Variants in MACROD2 observed in about 807,000 individuals in gnomAD.
MACROD2 encodes the protein mono-ADP ribosylhydrolase 2, also known as ADP-ribose glycohydrolase MACROD2.
MACROD2 carries 36 observed loss-of-function variants against 70.4 expected under a neutral mutation model. The ratio of observed to expected loss-of-function variants is 0.51; its 90% CI spans 0.39 to 0.68. The LOEUF (loss-of-function observed/expected upper bound fraction) is 0.68. Among genes scored for constraint, MACROD2 ranks in the 30% least tolerant of loss-of-function variants. The pLI is 0.00. For missense variants in MACROD2, 496 were observed against 538.4 expected, an observed-to-expected ratio of 0.92 and a Z score of 0.78; for synonymous variants, 172 against 178.8, an observed-to-expected ratio of 0.96 and a Z score of 0.30.
intron 8 of MACROD2, among the ~76,000 whole-genome samples, chr20:15,659,196 T>G (rs1323343170): frequency 6.6e-6 from 1 of 152,130 alleles, no homozygotes. Flanking sequence ...GGTCTTGGTT[T>G]GTAGGTATAT....
At chr20:15,748,147 C>T (rs2051212454) in intron 8 of MACROD2, among the ~76,000 whole-genome samples, 1 of 152,132 alleles carries the variant, frequency 6.6e-6, no homozygotes, top group African/African-American at 2.4e-5. Context: ...TATATGACTG[C>T]TTCTTGGCCA....
At chr20:16,023,138 G>C (rs976444913) in intron 15 of MACROD2, among the ~76,000 whole-genome samples, 4 of 152,090 alleles carry the variant, frequency 2.6e-5, no homozygotes, top group Non-Finnish European at 5.9e-5. Flanking sequence ...TTTAATATAA[G>C]ACAACAAAGA....
At chr20:14,064,664 C>A (rs1168411362) in intron 2 of MACROD2, among the ~76,000 whole-genome samples, 1 of 152,184 alleles carries the variant, frequency 6.6e-6, no homozygotes, top group East Asian at 1.9e-4. Context: ...ATTTTAAGAG[C>A]TTCCTCAGAG....
chr20:14,372,105 A>G (rs2083330561), intron 3 of MACROD2, among the ~76,000 whole-genome samples: 2 of 152,124 alleles, frequency 1.3e-5, no homozygotes, highest in Non-Finnish European at 2.9e-5. Flanking sequence ...ATAATTCTTG[A>G]GCCCTGCATA....
At chr20:15,084,939 A>G (rs917166394) in intron 5 of MACROD2, among the ~76,000 whole-genome samples, 1 of 152,200 alleles carries the variant, frequency 6.6e-6, no homozygotes, top group African/African-American at 2.4e-5. Context: ...ATGGAAACTC[A>G]GGGGACCTAG....
chr20:15,987,206 G>A, intron 15 of MACROD2, 48 bp downstream of exon 15: 1 of 1,414,964 alleles, frequency 7.1e-7, no homozygotes, highest in Non-Finnish European at 9.8e-7. Flanking sequence ...AGTTTCTTTG[G>A]ATTCCTGCCT....
chr20:16,044,683 A>T lies in MACROD2; in HGVS notation c.1300+44A>T, dbSNP rs763801631. The stretch of plus-strand genomic sequence containing the variant: ...TGAGATTTTCAATGATCAACCAGCC[A>T]TAAGAACTATTTGCAAATGACATAC... On this transcript the variant is annotated intron_variant, in intron 17 of 17. Transcript: ENST00000684519. The T allele has an allele frequency of 3.2e-6, 5 of 1,551,352 alleles. No homozygotes were observed. In the East Asian group the frequency reaches 9.0e-5, roughly 28 times the overall value.
chr20:15,330,991 C>T (rs188219082), intron 6 of MACROD2, among the ~76,000 whole-genome samples: 46 of 150,618 alleles, frequency 3.1e-4, no homozygotes, highest in African/African-American at 1.0e-3. Context: ...TCTTTGAAAA[C>T]GGAGGCAAAA....
At chr20:14,679,201 G>T (rs1214336322) in intron 4 of MACROD2, among the ~76,000 whole-genome samples, 1 of 152,202 alleles carries the variant, frequency 6.6e-6, no homozygotes, top group East Asian at 1.9e-4. Context: ...ACCAGAATAT[G>T]ATGGGAACAT....
intron 3 of MACROD2, among the ~76,000 whole-genome samples, chr20:14,207,248 C>A (rs1441125222): frequency 1.3e-5 from 2 of 152,082 alleles, no homozygotes; most frequent in South Asian, 2.1e-4. Flanking sequence ...CAGGCACATG[C>A]CCCTACGCCC....
chr20:14,729,110 T>C (rs1221964106), intron 5 of MACROD2, among the ~76,000 whole-genome samples: 2 of 152,158 alleles, frequency 1.3e-5, no homozygotes, highest in East Asian at 3.8e-4. Flanking sequence ...AGCCTTCATA[T>C]ACAATTTAAA....
intron 4 of MACROD2, among the ~76,000 whole-genome samples, chr20:14,604,150 C>T (rs535638047): frequency 6.6e-6 from 1 of 152,312 alleles, no homozygotes; most frequent in African/African-American, 2.4e-5. Flanking sequence ...TATACCAGAA[C>T]AGCAGGAAGT....
intron 6 of MACROD2, among the ~76,000 whole-genome samples, chr20:15,424,212 A>G (rs2046267822): frequency 6.6e-6 from 1 of 152,180 alleles, no homozygotes. Context: ...GCAAAATTAT[A>G]TGGTAAAGGG....
intron 5 of MACROD2, among the ~76,000 whole-genome samples, chr20:15,087,809 T>C (rs1284080726): frequency 2.0e-5 from 3 of 152,012 alleles, no homozygotes; most frequent in Admixed American, 1.3e-4. Context: ...GTCTGTAATA[T>C]AGAAAAAGTT....
At chr20:14,157,588 A>ACTTTACTC (rs930575248) in intron 3 of MACROD2, among the ~76,000 whole-genome samples, 35 of 152,062 alleles carry the variant, frequency 2.3e-4, no homozygotes, top group Admixed American at 1.2e-3. Flanking sequence ...GTATCTTATC[A>ACTTTACTC]CTTTACTCTC....
chr20:14,950,397 A>G (rs1238934719), intron 5 of MACROD2, among the ~76,000 whole-genome samples: 1 of 152,112 alleles, frequency 6.6e-6, no homozygotes, highest in Non-Finnish European at 1.5e-5. Flanking sequence ...GGAATGACCA[A>G]ATTAGAATAG....
intron 3 of MACROD2, among the ~76,000 whole-genome samples, chr20:14,170,220 T>C (rs2081208835): frequency 6.6e-6 from 1 of 152,192 alleles, no homozygotes; most frequent in Non-Finnish European, 1.5e-5. Context: ...AATTTCCTCA[T>C]TTATCAGTTC....
intron 5 of MACROD2, among the ~76,000 whole-genome samples, chr20:14,951,109 G>A (rs2122731751): frequency 6.6e-6 from 1 of 152,196 alleles, no homozygotes; most frequent in South Asian, 2.1e-4. Flanking sequence ...TGAGGAAATG[G>A]ATTGGGGGAT....
At chr20:14,323,764 T>A (rs1448456033) in intron 3 of MACROD2, 1 of 152,186 alleles carries the variant, frequency 6.6e-6, no homozygotes, top group East Asian at 1.9e-4. Context: ...AGTGTGTATT[T>A]CACAGTATCA....
Sources: allele counts gnomAD v4.1 joint callset (sites outside exome capture counted in the v4.1 genomes callset), GRCh38; gene constraint gnomAD v4.1.1; transcripts MANE v1.5; gene names NCBI Gene and HGNC (gene_info 2026-07-23, HGNC 2026-07-21).